The following SCARB2 variants were observed in gnomAD, a reference collection of about 807,000 sequenced individuals.
SCARB2 encodes the protein lysosome membrane protein 2.
Under a neutral mutation model 58.6 loss-of-function variants are expected in SCARB2, and 29 were observed. The ratio of observed to expected loss-of-function variants is 0.49; its 90% confidence interval spans 0.37 to 0.67. The LOEUF (loss-of-function observed/expected upper bound fraction) is 0.67, where lower values mean the gene tolerates loss of function less well. SCARB2 is among the 30% of genes least tolerant of loss of function. The pLI is 0.00. For missense variants in SCARB2, 488 were observed against 578.5 expected (o/e 0.84, Z 1.60); for synonymous variants, 195 against 210.1 (o/e 0.93, Z 0.62).
At chr4:76,231,558 C>T (rs1263614444) in intron 1 of SCARB2, among the ~76,000 whole-genome samples, 1 of 152,256 alleles carries the variant, frequency 6.6e-6, no homozygotes, top group East Asian at 1.9e-4. Flanking sequence ...CATGACAGGA[C>T]TGAGTTGTTT....
chr4:76,209,505 A>C (rs1477895035), intron 1 of SCARB2, among the ~76,000 whole-genome samples: 2 of 152,256 alleles, frequency 1.3e-5, no homozygotes, highest in East Asian at 3.9e-4. Flanking sequence ...AGTAGCTGGG[A>C]CTACAGGCAC....
intron 1 of SCARB2, among the ~76,000 whole-genome samples, chr4:76,228,966 C>A (rs1733447483): frequency 6.6e-6 from 1 of 152,136 alleles, no homozygotes; most frequent in Non-Finnish European, 1.5e-5. Flanking sequence ...CACAGGAACA[C>A]CAATTATTCT....
intron 2 of SCARB2, among the ~76,000 whole-genome samples, chr4:76,190,738 C>T (rs13102604): frequency 0.011 from 1,743 of 152,144 alleles, 14 homozygotes; most frequent in Non-Finnish European, 0.018. Flanking sequence ...GAGCCAAGAT[C>T]GCGCCACTGC....
chr4:76,171,541 G>A (rs1018636590), intron 7 of SCARB2, among the ~76,000 whole-genome samples: 6 of 151,634 alleles, frequency 4.0e-5, no homozygotes, highest in African/African-American at 1.2e-4. Flanking sequence ...GTCCAAATTC[G>A]GGAATACGTT....
At chr4:76,226,800 T>G (rs1733406053) in intron 1 of SCARB2, among the ~76,000 whole-genome samples, 1 of 152,174 alleles carries the variant, frequency 6.6e-6, no homozygotes, top group Non-Finnish European at 1.5e-5. Flanking sequence ...GATTTTCTAG[T>G]TTGTGTGAAT....
intron 1 of SCARB2, chr4:76,213,048 A>T: frequency 3.6e-6 from 1 of 275,450 alleles, no homozygotes; most frequent in Non-Finnish European, 7.3e-6. Flanking sequence ...AGACAACATA[A>T]CCTGCCTCTT....
At chr4:76,174,062 C>G in intron 7 of SCARB2, 82 bp downstream of exon 7, 1 of 1,547,360 alleles carries the variant, frequency 6.5e-7, no homozygotes, top group Non-Finnish European at 8.9e-7. Context: ...TGCGCCACTA[C>G]GCCCAGCTAC....
rs919939269 is a variant in SCARB2 at position 76,161,129 on chromosome 4, G to A, written c.*584C>T. 6.4e-6 allele frequency: 1 copy of A among 157,114 alleles called. No homozygotes were observed. Among genetic ancestry groups the A allele is most frequent in the South Asian group, 1.9e-4 (1 of 5,266 alleles). The allele number at this position is 157,114 out of a possible 1,614,324, so 9.7% of individuals were successfully genotyped here. On this transcript the variant is annotated 3_prime_UTR_variant, in exon 12 of 12. Coordinates refer to ENST00000264896, the MANE Select transcript of SCARB2 (RefSeq NM_005506.4). ...TCTACCCAGTATTTTATTGCAGTTG[G>A]AAGACTGAGTTTTCCTGGAAGAATT...
chr4:76,164,926 A>G (rs1731971330), intron 10 of SCARB2: 2 of 152,096 alleles, frequency 1.3e-5, no homozygotes, highest in Non-Finnish European at 1.5e-5. Flanking sequence ...ACAGTCTCCA[A>G]TGTCACTTCC....
upstream of SCARB2, among the ~76,000 whole-genome samples, chr4:76,215,797 GT>G (rs1733196150): frequency 6.6e-6 from 1 of 152,116 alleles, no homozygotes; most frequent in Non-Finnish European, 1.5e-5. Flanking sequence ...TGTCCCACCA[GT>G]CCCCAGCTGT....
At chr4:76,181,924 G>C (rs1300897547) in intron 2 of SCARB2, among the ~76,000 whole-genome samples, 1 of 152,154 alleles carries the variant, frequency 6.6e-6, no homozygotes, top group Non-Finnish European at 1.5e-5. Flanking sequence ...TGAAGCATTA[G>C]AAAGTTCTTA....
chr4:76,191,690 G>T (rs1236127842), intron 2 of SCARB2, among the ~76,000 whole-genome samples: 2 of 151,808 alleles, frequency 1.3e-5, no homozygotes, highest in East Asian at 3.9e-4. Flanking sequence ...CCCAGTCTCA[G>T]GTCTCTCCCT....
intron 7 of SCARB2, among the ~76,000 whole-genome samples, chr4:76,171,673 T>C (rs888088149): frequency 6.6e-6 from 1 of 152,134 alleles, no homozygotes; most frequent in Non-Finnish European, 1.5e-5. Flanking sequence ...AGAGAAAATA[T>C]ATCTACATTT....
intron 6 of SCARB2, chr4:76,174,609 G>A (rs1732208756): frequency 5.2e-6 from 2 of 381,918 alleles, no homozygotes; most frequent in East Asian, 1.3e-4. Flanking sequence ...AAAGAAATAA[G>A]AGGCCTCTCT....
At chr4:76,166,033 C>T in intron 10 of SCARB2, 1 of 624,466 alleles carries the variant, frequency 1.6e-6, no homozygotes, top group East Asian at 2.7e-5. Context: ...AAATAGTGTT[C>T]TTGAGAAGGA....
At chr4:76,201,546 T>C (rs1732828839) in intron 1 of SCARB2, among the ~76,000 whole-genome samples, 1 of 152,234 alleles carries the variant, frequency 6.6e-6, no homozygotes, top group Non-Finnish European at 1.5e-5. Context: ...AAATCTTCAA[T>C]GTGGCAAAAT....
intron 1 of SCARB2, among the ~76,000 whole-genome samples, chr4:76,201,261 A>G (rs967187804): frequency 6.6e-6 from 1 of 152,136 alleles, no homozygotes; most frequent in Non-Finnish European, 1.5e-5. Flanking sequence ...CAGAAGTGCC[A>G]TCTCTCAGAA....
intron 10 of SCARB2, 36 bp from the exon 11 acceptor site, chr4:76,163,419 A>C (rs1731941103): frequency 6.2e-7 from 1 of 1,612,034 alleles, no homozygotes; most frequent in Admixed American, 1.7e-5. Context: ...TTGATGACTA[A>C]ACATCCAGTG....
chr4:76,166,330 A>G, intron 9 of SCARB2, 29 bp from the exon 10 acceptor site: 1 of 1,607,348 alleles, frequency 6.2e-7, no homozygotes, highest in Admixed American at 1.7e-5. Flanking sequence ...AGATTGTTTC[A>G]GAAACATCCT....
Sources: gnomAD v4.1 joint callset for allele counts (sites outside exome capture counted in the v4.1 genomes callset) on GRCh38, gnomAD v4.1.1 for gene constraint, MANE v1.5 for transcripts, NCBI Gene and HGNC (gene_info 2026-07-23, HGNC 2026-07-21) for gene names.